TTC34: variants seen among roughly 807,000 people sequenced by gnomAD.
TTC34 encodes tetratricopeptide repeat protein 34.
Under a neutral mutation model 40.7 loss-of-function variants are expected in TTC34, and 44 were observed. The ratio of observed to expected loss-of-function variants is 1.08; its 90% CI spans 0.85 to 1.39. The LOEUF (loss-of-function observed/expected upper bound fraction) is 1.39, where lower values mean the gene tolerates loss of function less well. Among genes scored for constraint, TTC34 ranks in the 40% most tolerant of loss-of-function variants. TTC34 has a pLI of 0.00. For synonymous variants in TTC34, 422 were observed against 398.6 expected (o/e 1.06, Z -0.70); for missense variants, 884 against 838.0 (o/e 1.05, Z -0.68).
intron 6 of TTC34, among the ~76,000 whole-genome samples, chr1:2,754,292 GCA>G (rs1641425100): frequency 6.9e-5 from 2 of 28,998 alleles, no homozygotes; most frequent in Non-Finnish European, 1.1e-4. Flanking sequence ...GGAACAGCAC[GCA>G]CACCCCCAGG....
intron 6 of TTC34, among the ~76,000 whole-genome samples, chr1:2,699,468 C>G (rs1641026883): frequency 8.2e-6 from 1 of 121,408 alleles, no homozygotes; most frequent in South Asian, 2.5e-4. Context: ...AGGCGAGCAT[C>G]TGACAGCCTG....
chr1:2,644,182 T>A lies in TTC34; in HGVS notation c.2712+82A>T, dbSNP rs1638970660. On this transcript the variant is annotated intron_variant, in intron 8 of 8. Coordinates refer to ENST00000401095, the Ensembl canonical transcript of TTC34. ...CCAACCGCAGAGAGTGAAGAAAGGC[T>A]GCCCCAGTGGTGGGCCCGGGGGTCT... 3.0e-6 allele frequency: 4 copies of A among 1,353,260 alleles called. No homozygotes were observed. In the South Asian group the frequency reaches 5.3e-5, roughly 18 times the overall value. The allele number at this position is 1,353,260 out of a possible 1,614,324, so 83.8% of individuals were successfully genotyped here.
exon 9 of TTC34, chr1:2,641,653 GCGA>G: frequency 1.3e-6 from 2 of 1,535,352 alleles, no homozygotes. Context: ...TCAGCAGCAG[GCGA>G]CCCTGACGGC....
chr1:2,749,722 C>T (rs1373783700), intron 6 of TTC34, among the ~76,000 whole-genome samples: 1 of 81,872 alleles, frequency 1.2e-5, no homozygotes, highest in Non-Finnish European at 2.3e-5. Flanking sequence ...ACAGCACGCA[C>T]AACCCCAGGT....
In TTC34 at chr1:2,796,906, G is replaced by C. The variant is rs142437625; in HGVS notation, c.784+3138C>G. ...TCTCGTTGGGGTCACCAAGAACCTC[G>C]GCACCACACGCCCAACGCACACTCC... On this transcript the variant is annotated intron_variant, in intron 2 of 8. Transcript: ENST00000401095. The surrounding 1 kb of genome is among the most constrained non-coding windows in gnomAD (Gnocchi z 4.5). Among the ~76,000 whole-genome samples the C allele has an allele frequency of 4.1e-4, 63 of 152,174 alleles. No homozygotes were observed. The highest frequency in any genetic ancestry group is 1.5e-3 in the African/African-American group (62 of 41,520).
rs1318227564 is a variant in TTC34, at chr1:2,699,534, C to T, written c.2227-53971G>A. Among the ~76,000 whole-genome samples, 10 of 129,482 alleles carry T rather than the reference C, an allele frequency of 7.7e-5. 1 individual carries two copies. The allele number at this position is 129,482 out of a possible 152,430, so 84.9% of individuals were successfully genotyped here. ...TGACAGCCTGGAACACCACCCACAT[C>T]CCCAGGTGAGCATCTGACAGCCTGG... On this transcript the variant is annotated intron_variant, in intron 6 of 8. Coordinates refer to ENST00000401095, the Ensembl canonical transcript of TTC34.
At chr1:2,698,944 C>G (rs531306062) in intron 6 of TTC34, among the ~76,000 whole-genome samples, 5 of 131,920 alleles carry the variant, frequency 3.8e-5, no homozygotes, top group African/African-American at 1.4e-4. Context: ...AGGTGAGCAT[C>G]TGACAGCCTG....
Position 2,748,497 on chromosome 1 carries a change from G to A in TTC34, c.2226+35112C>T, listed in dbSNP as rs1422409962. On this transcript the variant is annotated intron_variant, in intron 6 of 8. Coordinates refer to ENST00000401095, the Ensembl canonical transcript of TTC34. Reference sequence around the variant, plus strand: ...ACCCCACATCCCCGGGTGAGCATCCGATAGCCTGGAGCAGCACCCACACCC... The same window carrying A: ...ACCCCACATCCCCGGGTGAGCATCCAATAGCCTGGAGCAGCACCCACACCC... Among the ~76,000 whole-genome samples the A allele has an allele frequency of 3.1e-3, 432 of 138,830 alleles. 3 individuals carry two copies. The highest frequency in any genetic ancestry group is 7.0e-3 in the South Asian group (32 of 4,598). 91.1% of individuals were successfully genotyped at this position (138,830 alleles called of 152,430 possible). A position where few individuals can be genotyped will look rare whatever the true frequency, so the allele number is the denominator to read the frequency against.
At chr1:2,778,254 C>T (rs1286214733) in intron 6 of TTC34, among the ~76,000 whole-genome samples, 1 of 152,242 alleles carries the variant, frequency 6.6e-6, no homozygotes, top group Non-Finnish European at 1.5e-5. Context: ...AGGCACATTG[C>T]CTCTGTGCTG....
intron 6 of TTC34, among the ~76,000 whole-genome samples, chr1:2,684,522 G>A (rs917374837): frequency 1.4e-5 from 2 of 146,086 alleles, no homozygotes; most frequent in South Asian, 2.1e-4. Context: ...CACACCCCCA[G>A]GTGAGCATCC....
chr1:2,683,550 C>T (rs1448816973), intron 6 of TTC34, among the ~76,000 whole-genome samples: 1 of 143,066 alleles, frequency 7.0e-6, no homozygotes, highest in African/African-American at 2.7e-5. Context: ...GCAGCACCCA[C>T]AACCACAGGT....
chr1:2,784,295 G>C (rs1468966165), intron 5 of TTC34, among the ~76,000 whole-genome samples: 10 of 152,180 alleles, frequency 6.6e-5, no homozygotes, highest in Non-Finnish European at 1.2e-4. Flanking sequence ...TAAGATCAAA[G>C]CCTTTAAGAC....
intron 6 of TTC34, among the ~76,000 whole-genome samples, chr1:2,752,494 C>CA: frequency 7.4e-6 from 1 of 135,104 alleles, no homozygotes; most frequent in South Asian, 2.4e-4. Context: ...ACCCACACAG[C>CA]CAGGTGAGCA....
chr1:2,795,082 T>G (rs1315234163), intron 2 of TTC34, among the ~76,000 whole-genome samples: 1 of 124,578 alleles, frequency 8.0e-6, no homozygotes, highest in Non-Finnish European at 1.8e-5. Flanking sequence ...AGACCCCATC[T>G]CTACAAAAAA....
exon 3 of TTC34, chr1:2,790,160 G>C (rs1171219864): frequency 2.5e-6 from 1 of 398,380 alleles, no homozygotes; most frequent in African/African-American, 2.1e-5. Flanking sequence ...CACGTCCGCG[G>C]CCTCCTGCGC....
exon 2 of TTC34, chr1:2,800,286 C>T (rs1643757238): frequency 5.0e-6 from 2 of 398,638 alleles, no homozygotes; most frequent in Non-Finnish European, 8.8e-6. Context: ...GAGGTGGGGC[C>T]GCTGGTGGGT....
intron 6 of TTC34, among the ~76,000 whole-genome samples, chr1:2,652,600 C>G (rs78621943): frequency 4.0e-5 from 6 of 151,746 alleles, no homozygotes; most frequent in African/African-American, 1.2e-4. Flanking sequence ...GAGCAGCACC[C>G]AGAAGCCCAG....
chr1:2,790,047 G>A (rs1473931321), exon 3 of TTC34: 7 of 397,462 alleles, frequency 1.8e-5, no homozygotes, highest in Non-Finnish European at 2.7e-5. Flanking sequence ...GCCAGGCGAA[G>A]CAGGACGCGG....
At chr1:2,791,460 G>A (rs1643662866) in intron 2 of TTC34, among the ~76,000 whole-genome samples, 1 of 152,198 alleles carries the variant, frequency 6.6e-6, no homozygotes, top group Non-Finnish European at 1.5e-5. Context: ...ACAATCTGCT[G>A]CATTCAAACA....
Sources: gnomAD v4.1 joint callset for allele counts (sites outside exome capture counted in the v4.1 genomes callset) on GRCh38, gnomAD v4.1.1 for gene constraint, Gnocchi (gnomAD v3.1) non-coding constraint, MANE v1.5 for transcripts, NCBI Gene and HGNC (gene_info 2026-07-23, HGNC 2026-07-21) for gene names.